ALLC: variants seen among roughly 807,000 people sequenced by gnomAD.
ALLC encodes the protein probable inactive allantoicase.
ALLC carries 40 observed loss-of-function variants against 45.0 expected under a neutral mutation model. The observed-to-expected ratio is 0.89, with a 90% CI of 0.69 to 1.16. The LOEUF is 1.16. Ranked by LOEUF, ALLC falls within the 50% of genes most tolerant of loss-of-function variation. The pLI is 0.00. For synonymous variants in ALLC, 176 were observed against 178.1 expected (o/e 0.99, Z 0.09); for missense variants, 488 against 493.1 (o/e 0.99, Z 0.10).
rs544134550 is a variant in ALLC, at chr2:3,675,202, G to A, written c.84+1077G>A. Among the ~76,000 whole-genome samples the A allele has an allele frequency of 3.9e-5, 6 of 152,156 alleles. No homozygotes were observed. The South Asian group carries it at 1.2e-3, about 32-fold the overall frequency. ...AGCCTAGGAGTTTGGGACCAGCCTG[G>A]GCAACAGAGCAAGACCCCATTTCTG... On this transcript the variant is annotated intron_variant, in intron 3 of 11. Coordinates refer to ENST00000252505, the MANE Select transcript of ALLC (RefSeq NM_018436.4).
chr2:3,664,565 G>A (rs113826159), intron 1 of ALLC, among the ~76,000 whole-genome samples: 6,359 of 152,220 alleles, frequency 0.042, 450 homozygotes, highest in African/African-American at 0.14. Flanking sequence ...TTCACCCCAA[G>A]TTAAATTCAT....
At chr2:3,663,392 G>T (rs1260444252) in intron 1 of ALLC, among the ~76,000 whole-genome samples, 1 of 152,164 alleles carries the variant, frequency 6.6e-6, no homozygotes, top group African/African-American at 2.4e-5. Flanking sequence ...AGACATGTTG[G>T]GGGGAACATC....
chr2:3,672,789 G>A (rs894645289), intron 2 of ALLC, among the ~76,000 whole-genome samples: 2 of 151,684 alleles, frequency 1.3e-5, no homozygotes, highest in African/African-American at 2.4e-5. Context: ...TCCTCTGGCT[G>A]TAGTTAGACC....
the ALLC span, among the ~76,000 whole-genome samples, chr2:3,652,382 A>C: frequency 6.6e-6 from 1 of 152,232 alleles, no homozygotes; most frequent in Non-Finnish European, 1.5e-5. Flanking sequence ...CAGAGCCACT[A>C]TTCATAGAGC....
At chr2:3,670,637 T>C (rs7576701) in intron 1 of ALLC, among the ~76,000 whole-genome samples, 33,804 of 151,978 alleles carry the variant, frequency 0.22, 3,971 homozygotes, top group African/African-American at 0.28. Flanking sequence ...TCTGTTCCCG[T>C]GTGGGGGTGT....
Position 3,678,728 on chromosome 2 carries a change from G to A in ALLC, c.172+173G>A, listed in dbSNP as rs73910326. On this transcript the variant is annotated intron_variant, in intron 4 of 11. Transcript: ENST00000252505. ...AGGCTCTAAGTCAGGAAGGGGCAGCGTGAGCCCGGGTCACTGACGTCCCAC... is the reference window on the plus strand; with the variant it reads ...AGGCTCTAAGTCAGGAAGGGGCAGCATGAGCCCGGGTCACTGACGTCCCAC... Among the ~76,000 whole-genome samples the A allele has an allele frequency of 8.8e-3, 1,342 of 152,328 alleles. 14 individuals carry two copies. Among genetic ancestry groups the A allele is most frequent in the African/African-American group, 0.03 (1,241 of 41,564 alleles).
At chr2:3,651,618 A>G in the ALLC span, among the ~76,000 whole-genome samples, 1 of 151,778 alleles carries the variant, frequency 6.6e-6, no homozygotes, top group Admixed American at 6.6e-5. Flanking sequence ...AGACCTGACG[A>G]CCGAAAGAGC....
chr2:3,671,040 G>C, intron 1 of ALLC, 56 bp from the exon 2 acceptor site: 1 of 1,009,570 alleles, frequency 9.9e-7, no homozygotes, highest in Non-Finnish European at 1.5e-6. Context: ...GCCTAGACGG[G>C]GCCTCACTCA....
rs747021694 is a variant in ALLC at position 3,701,599 on chromosome 2, C to T, written c.938C>T (p.Pro313Leu). Residue 313 changes from proline (P) to leucine (L), a missense_variant, in exon 11 of 12, where the codon CCG becomes CTG. Coordinates refer to ENST00000252505, the MANE Select transcript of ALLC (RefSeq NM_018436.4). ...EAVIRQKWIL[P>L]AHKWKPLLPV... The stretch of plus-strand genomic sequence containing the variant: ...GTGATCAGGCAAAAGTGGATTCTCC[C>T]GGCCCACAAGTGGAAACCACTGCTT... The T allele has an allele frequency of 1.8e-5, 29 of 1,610,710 alleles. No homozygotes were observed. Among genetic ancestry groups the T allele is most frequent in the Admixed American group, 3.3e-5 (2 of 59,718 alleles).
upstream of ALLC, among the ~76,000 whole-genome samples, chr2:3,654,730 C>T (rs1400220232): frequency 2.6e-5 from 4 of 152,234 alleles, no homozygotes; most frequent in Non-Finnish European, 5.9e-5. Flanking sequence ...GCGTGTTTCC[C>T]TTCAGCTGAG....
At chr2:3,702,155 T>C (rs1376579498) in intron 11 of ALLC, among the ~76,000 whole-genome samples, 1 of 152,194 alleles carries the variant, frequency 6.6e-6, no homozygotes, top group African/African-American at 2.4e-5. Context: ...CCATCAATTG[T>C]TTATTGGGGC....
intron 1 of ALLC, among the ~76,000 whole-genome samples, chr2:3,659,703 C>T (rs1666522456): frequency 6.6e-6 from 1 of 152,180 alleles, no homozygotes; most frequent in Non-Finnish European, 1.5e-5. Flanking sequence ...AAGCTCATGG[C>T]GCAAGAGTCG....
chr2:3,683,561 C>T (rs186588812), intron 7 of ALLC, among the ~76,000 whole-genome samples: 2 of 152,294 alleles, frequency 1.3e-5, no homozygotes, highest in Admixed American at 1.3e-4. Context: ...CCTCATCTTC[C>T]CTATCCCAAA....
At chr2:3,661,890 T>TC (rs1359147793) in intron 1 of ALLC, among the ~76,000 whole-genome samples, 1 of 152,120 alleles carries the variant, frequency 6.6e-6, no homozygotes, top group African/African-American at 2.4e-5. Flanking sequence ...GAGGCTGAAA[T>TC]CAAAATCCAG....
chr2:3,695,480 C>A (rs997945873), intron 7 of ALLC: 10 of 510,392 alleles, frequency 2.0e-5, no homozygotes, highest in African/African-American at 1.2e-4. Flanking sequence ...TGAGGCCATG[C>A]CTTTAAGGTG....
chr2:3,682,767 C>T (rs550606354), intron 6 of ALLC, among the ~76,000 whole-genome samples, 175 bp from the exon 7 acceptor site: 6 of 152,302 alleles, frequency 3.9e-5, no homozygotes, highest in East Asian at 1.9e-4. Context: ...CCTTGTGATC[C>T]GCCCGCCTCG....
intron 1 of ALLC, 145 bp from the exon 2 acceptor site, chr2:3,670,951 C>A (rs1422709045): frequency 1.4e-5 from 8 of 584,196 alleles, no homozygotes; most frequent in Non-Finnish European, 2.4e-5. Context: ...GAGCAGAGGG[C>A]ACCTGTCAGG....
rs1365358605 is a variant in ALLC, at chr2:3,686,640, T to C, written c.511+3566T>C. ...TTCACCAGTGTTTTATAGTTTTCCTTGTATAGCTCTTTCACTTCGTAGGAT... is the reference window on the plus strand; with the variant it reads ...TTCACCAGTGTTTTATAGTTTTCCTCGTATAGCTCTTTCACTTCGTAGGAT... On this transcript the variant is annotated intron_variant, in intron 7 of 11. Coordinates refer to ENST00000252505, the MANE Select transcript of ALLC (RefSeq NM_018436.4). Among the ~76,000 whole-genome samples, 11 of 150,980 alleles carry C rather than the reference T, an allele frequency of 7.3e-5. 1 individual carries two copies. In the Admixed American group the frequency reaches 7.3e-4, roughly 10 times the overall value.
Position 3,690,246 on chromosome 2 carries a change from C to A in ALLC, c.512-5471C>A, listed in dbSNP as rs140827749. Among the ~76,000 whole-genome samples the A allele has an allele frequency of 4.4e-3, 301 of 68,432 alleles. 8 individuals carry two copies. The highest frequency in any genetic ancestry group is 0.015 in the African/African-American group (264 of 17,848). 44.9% of individuals were successfully genotyped at this position (68,432 alleles called of 152,430 possible). On this transcript the variant is annotated intron_variant, in intron 7 of 11. Coordinates refer to ENST00000252505, the MANE Select transcript of ALLC (RefSeq NM_018436.4). ...TTTGTTGCTTGTTTTCTGATCCCCT[C>A]CCCTTCCCTTCCCTTCCCTCCCCCC...
Sources: allele counts gnomAD v4.1 joint callset (sites outside exome capture counted in the v4.1 genomes callset), GRCh38; gene constraint gnomAD v4.1.1; transcripts MANE v1.5; gene names NCBI Gene and HGNC (gene_info 2026-07-23, HGNC 2026-07-21).